Variants in DPF3 observed in about 807,000 individuals in gnomAD.
DPF3 encodes double PHD fingers 3.
In DPF3, 18 loss-of-function variants were observed where a neutral mutation model predicts 56.8. The ratio of observed to expected loss-of-function variants is 0.32; its 90% confidence interval spans 0.22 to 0.47. DPF3 has a LOEUF of 0.47. DPF3 is among the 20% of genes least tolerant of loss of function. DPF3 has a pLI of 1.00. For missense variants in DPF3, 403 were observed against 488.8 expected (o/e 0.82, Z 1.65); for synonymous variants, 188 against 180.2 (o/e 1.04, Z -0.35).
At chr14:72,765,022 T>C (rs770537857) in intron 2 of DPF3, among the ~76,000 whole-genome samples, 3 of 152,192 alleles carry the variant, frequency 2.0e-5, no homozygotes, top group Non-Finnish European at 2.9e-5. Flanking sequence ...CCGCAGGGAA[T>C]TGGAGAATTG....
intron 1 of DPF3, among the ~76,000 whole-genome samples, chr14:72,816,641 G>GAA (rs371902823): frequency 2.2e-5 from 3 of 138,026 alleles, no homozygotes; most frequent in African/African-American, 5.3e-5. Context: ...GGCATAAATG[G>GAA]AAAAAAAAAA....
At chr14:72,870,711 A>G (rs188886144) in intron 1 of DPF3, among the ~76,000 whole-genome samples, 192 of 152,344 alleles carry the variant, frequency 1.3e-3, no homozygotes, top group South Asian at 3.7e-3. Context: ...TGCCAGTGTA[A>G]GGAAAATATT....
chr14:72,709,615 A>T (rs903604251), intron 6 of DPF3, among the ~76,000 whole-genome samples: 2 of 152,138 alleles, frequency 1.3e-5, no homozygotes, highest in Non-Finnish European at 2.9e-5. Flanking sequence ...CCAGGGTAGG[A>T]GAGCATATGT....
intron 1 of DPF3, among the ~76,000 whole-genome samples, chr14:72,876,090 T>C (rs1886101767): frequency 6.6e-6 from 1 of 152,096 alleles, no homozygotes. Context: ...AGAAGGAGGA[T>C]TAAAGTACAG....
At chr14:72,710,468 A>G (rs920193347) in intron 6 of DPF3, among the ~76,000 whole-genome samples, 1 of 152,260 alleles carries the variant, frequency 6.6e-6, no homozygotes, top group Admixed American at 6.5e-5. Flanking sequence ...GCAGAAAATA[A>G]TAAGAGCTGA....
Position 72,816,247 on chromosome 14 carries a change from C to T in DPF3, c.33-44354G>A, listed in dbSNP as rs1327419526. The stretch of plus-strand genomic sequence containing the variant: ...GGCAGAACCCTGGGCCTCCCCACCT[C>T]CCCACCCTGGGACCAACAGATTCCC... On this transcript the variant is annotated intron_variant, in intron 1 of 10. Transcript: ENST00000556509. Among the ~76,000 whole-genome samples the T allele has an allele frequency of 2.0e-5, 3 of 152,320 alleles. No individual in the cohort carries two copies. The East Asian group carries it at 5.8e-4, about 29-fold the overall frequency.
chr14:72,839,223 A>C (rs1397709763), intron 1 of DPF3, among the ~76,000 whole-genome samples: 2 of 151,860 alleles, frequency 1.3e-5, no homozygotes, highest in Non-Finnish European at 2.9e-5. Context: ...ATCTGGCCAT[A>C]TATATTCTTT....
intron 3 of DPF3, among the ~76,000 whole-genome samples, chr14:72,752,239 T>C (rs141063718): frequency 1.1e-4 from 16 of 152,312 alleles, no homozygotes; most frequent in Admixed American, 3.3e-4. Context: ...CCTACCACCC[T>C]GAGTCACATC....
At chr14:72,733,427 G>C (rs1023301341) in intron 3 of DPF3, among the ~76,000 whole-genome samples, 1 of 152,114 alleles carries the variant, frequency 6.6e-6, no homozygotes, top group Admixed American at 6.5e-5. Context: ...TGAGGGTGGA[G>C]AGGGGCCATT....
At chr14:72,874,909 G>C (rs564297772) in intron 1 of DPF3, among the ~76,000 whole-genome samples, 1 of 152,254 alleles carries the variant, frequency 6.6e-6, no homozygotes, top group East Asian at 1.9e-4. Flanking sequence ...TTTTCACACA[G>C]CTGATAAAGA....
At chr14:72,653,327 T>C (rs1885970275) in intron 8 of DPF3, among the ~76,000 whole-genome samples, 1 of 152,044 alleles carries the variant, frequency 6.6e-6, no homozygotes, top group Non-Finnish European at 1.5e-5. Flanking sequence ...CTCCACGGAG[T>C]GGATGGCTAA....
chr14:72,808,926 G>A (rs1882910809), intron 1 of DPF3, among the ~76,000 whole-genome samples: 2 of 152,256 alleles, frequency 1.3e-5, no homozygotes, highest in Admixed American at 1.3e-4. Flanking sequence ...ACCCAGGCAA[G>A]TGATTTTACC....
At chr14:72,889,697 T>C (rs1886677549) in intron 1 of DPF3, among the ~76,000 whole-genome samples, 1 of 152,208 alleles carries the variant, frequency 6.6e-6, no homozygotes, top group Admixed American at 6.5e-5. Context: ...AATACACTAA[T>C]ACAGGTCATA....
intron 8 of DPF3, among the ~76,000 whole-genome samples, chr14:72,650,361 G>T (rs1885871881): frequency 6.6e-6 from 1 of 152,214 alleles, no homozygotes; most frequent in Non-Finnish European, 1.5e-5. Flanking sequence ...TCCCTGAAAT[G>T]AAAGGGGAGA....
rs375083453 is a variant in DPF3 at position 72,766,888 on chromosome 14, A to C, written c.193+4845T>G. Among the ~76,000 whole-genome samples, 15 of 152,316 alleles carry C rather than the reference A, an allele frequency of 9.8e-5. No individual in the cohort carries two copies. In the East Asian group the frequency reaches 2.9e-3, roughly 29 times the overall value. On this transcript the variant is annotated intron_variant, in intron 2 of 10. Coordinates refer to ENST00000556509, the MANE Select transcript of DPF3 (RefSeq NM_001280542.3). ...TCTCTAGCCAGAGAACCAGGAAAGG[A>C]CCAGCCTAGCAAGACAAGCAGGCAT...
intron 6 of DPF3, among the ~76,000 whole-genome samples, chr14:72,708,707 T>C (rs1169939395): frequency 6.6e-6 from 1 of 152,224 alleles, no homozygotes; most frequent in Non-Finnish European, 1.5e-5. Context: ...TTTCTGGGAC[T>C]GCCTTGGGCT....
intron 6 of DPF3, among the ~76,000 whole-genome samples, chr14:72,699,253 C>T (rs778394943): frequency 6.6e-6 from 1 of 152,026 alleles, no homozygotes; most frequent in Non-Finnish European, 1.5e-5. Flanking sequence ...AGTGTGGTGG[C>T]TCATGCTTAT....
At chr14:72,719,069 C>CTTTTT (rs71448401) in intron 5 of DPF3, among the ~76,000 whole-genome samples, 22,752 of 100,224 alleles carry the variant, frequency 0.23, 3,522 homozygotes, top group East Asian at 0.34. Context: ...CGTGCCAGGC[C>CTTTTT]TTTTTTTTTT....
At chr14:72,837,031 G>A (rs779389644) in intron 1 of DPF3, among the ~76,000 whole-genome samples, 1 of 151,946 alleles carries the variant, frequency 6.6e-6, no homozygotes, top group Non-Finnish European at 1.5e-5. Context: ...CACCACACCT[G>A]GCTAATTTTT....
Sources: gnomAD v4.1 joint callset for allele counts (sites outside exome capture counted in the v4.1 genomes callset) on GRCh38, gnomAD v4.1.1 for gene constraint, MANE v1.5 for transcripts, NCBI Gene and HGNC (gene_info 2026-07-23, HGNC 2026-07-21) for gene names.